Variants in CORO2A observed in about 807,000 individuals in gnomAD.
CORO2A encodes the protein coronin 2A.
A neutral mutation model predicts 62.4 loss-of-function variants in CORO2A; 47 were observed. That is an observed-to-expected ratio of 0.75 (90% confidence interval 0.60 to 0.96). The LOEUF (loss-of-function observed/expected upper bound fraction) is 0.96. Among genes scored for constraint, CORO2A ranks in the 40% least tolerant of loss-of-function variants. The probability of loss-of-function intolerance (pLI) is 0.00; values close to 1 mark genes in which losing one functional copy is unlikely to be tolerated. For synonymous variants in CORO2A, 273 were observed against 268.9 expected, an observed-to-expected ratio of 1.02 and a Z score of -0.15; for missense variants, 610 against 684.1, an observed-to-expected ratio of 0.89 and a Z score of 1.21.
chr9:98,185,899 G>T (rs1828233587), intron 1 of CORO2A, among the ~76,000 whole-genome samples: 1 of 152,246 alleles, frequency 6.6e-6, no homozygotes, highest in African/African-American at 2.4e-5. Context: ...GCTGGCACCA[G>T]AGCCAGAAAT....
At chr9:98,129,626 G>A (rs908796087) in intron 8 of CORO2A, among the ~76,000 whole-genome samples, 168 bp downstream of exon 8, 1 of 152,122 alleles carries the variant, frequency 6.6e-6, no homozygotes, top group Non-Finnish European at 1.5e-5. Context: ...TGTTGCACAC[G>A]TCAAGTACAG....
At chr9:98,169,212 G>A (rs948408643) in intron 1 of CORO2A, among the ~76,000 whole-genome samples, 12 of 146,032 alleles carry the variant, frequency 8.2e-5, no homozygotes, top group African/African-American at 1.9e-4. Flanking sequence ...CCGCCCCCGC[G>A]CCGCCCATCC....
intron 1 of CORO2A, among the ~76,000 whole-genome samples, chr9:98,176,627 G>C (rs1828112073): frequency 6.6e-6 from 1 of 152,094 alleles, no homozygotes; most frequent in East Asian, 1.9e-4. Context: ...GTGTGACTTG[G>C]TTTCCCATGT....
chr9:98,137,608 A>C lies in CORO2A; in HGVS notation c.282T>G (p.Asp94Glu). ...NVLDVKWNPF[D>E]DFEIASCSED... ...CAGAACAGGAGGCGATCTCAAAATC[A>C]TCAAAAGGGTTCCACTTGACATCCA... Residue 94 changes from aspartate (D) to glutamate (E), a missense_variant, in exon 3 of 12, where the codon GAT (aspartate) becomes GAG (glutamate). By Grantham distance (45) the Asp-to-Glu change is conservative. Coordinates refer to ENST00000375077, the MANE Select transcript of CORO2A (RefSeq NM_052820.4). 1 of 1,614,214 alleles carries C rather than the reference A, an allele frequency of 6.2e-7. No homozygotes were observed. Among genetic ancestry groups the C allele is most frequent in the Non-Finnish European group, 8.5e-7 (1 of 1,180,032 alleles).
intron 1 of CORO2A, among the ~76,000 whole-genome samples, chr9:98,190,404 A>T (rs1828292378): frequency 6.6e-6 from 1 of 152,158 alleles, no homozygotes; most frequent in Non-Finnish European, 1.5e-5. Context: ...ATTTTTGCTA[A>T]TTTTACAGGA....
Position 98,128,719 on chromosome 9 carries a change from C to T in CORO2A, c.968G>A (p.Gly323Asp). ...GTCGAGTCCTCTCTTTGGCATGACA[C>T]CTGAAGGCAGACAGGGAGGGCCAAG... ...YRSYNPQKGI[G>D]VMPKRGLDVS... Residue 323 changes from glycine (G) to aspartate (D), a missense_variant and splice_region_variant, in exon 9 of 12, where the codon GGT (glycine) becomes GAT (aspartate). Coordinates refer to ENST00000375077, the MANE Select transcript of CORO2A (RefSeq NM_052820.4). 1 of 1,613,834 alleles carries T rather than the reference C, an allele frequency of 6.2e-7. No homozygotes were observed. Among genetic ancestry groups the T allele is most frequent in the Non-Finnish European group, 8.5e-7 (1 of 1,179,726 alleles).
At chr9:98,144,397 T>A (rs1449939618) in intron 2 of CORO2A, among the ~76,000 whole-genome samples, 1 of 152,014 alleles carries the variant, frequency 6.6e-6, no homozygotes, top group African/African-American at 2.4e-5. Flanking sequence ...AGAGCCAGGA[T>A]TGGGAATGTT....
chr9:98,152,218 T>C (rs1333818459), intron 2 of CORO2A, among the ~76,000 whole-genome samples: 2 of 152,072 alleles, frequency 1.3e-5, no homozygotes, highest in Non-Finnish European at 2.9e-5. Flanking sequence ...TCTACTTGAA[T>C]TGGTATTGAC....
chr9:98,129,746 C>T (rs780800995), intron 8 of CORO2A, 48 bp downstream of exon 8: 1 of 1,454,070 alleles, frequency 6.9e-7, no homozygotes, highest in Non-Finnish European at 9.7e-7. Context: ...ACCTCGGCCT[C>T]CCGAAGTGCT....
At chr9:98,153,530 T>C (rs2118864752) in intron 2 of CORO2A, among the ~76,000 whole-genome samples, 1 of 151,950 alleles carries the variant, frequency 6.6e-6, no homozygotes, top group African/African-American at 2.4e-5. Context: ...CTTCAGCCTC[T>C]CGTATAGCTG....
At chr9:98,140,004 A>G in intron 2 of CORO2A, among the ~76,000 whole-genome samples, 1 of 152,086 alleles carries the variant, frequency 6.6e-6, no homozygotes, top group Admixed American at 6.6e-5. Context: ...GTCATAGAGA[A>G]ACCACACCAG....
At chr9:98,129,637 C>A (rs940200594) in intron 8 of CORO2A, among the ~76,000 whole-genome samples, 157 bp downstream of exon 8, 5 of 152,212 alleles carry the variant, frequency 3.3e-5, no homozygotes, top group African/African-American at 9.7e-5. Context: ...TCAAGTACAG[C>A]CCCCACCAAG....
intron 4 of CORO2A, among the ~76,000 whole-genome samples, chr9:98,134,395 C>G (rs1425170915): frequency 6.7e-6 from 1 of 148,214 alleles, no homozygotes; most frequent in Non-Finnish European, 1.5e-5. Context: ...GAACAGGGTT[C>G]CCCCCAAAAC....
intron 1 of CORO2A, among the ~76,000 whole-genome samples, chr9:98,173,821 G>C (rs143375935): frequency 2.8e-3 from 425 of 152,328 alleles, no homozygotes; most frequent in African/African-American, 9.9e-3. Context: ...GAGCTTAAGA[G>C]CGTGTAGCCT....
intron 1 of CORO2A, among the ~76,000 whole-genome samples, chr9:98,173,906 C>T (rs768144073): frequency 8.5e-5 from 13 of 152,106 alleles, no homozygotes; most frequent in East Asian, 5.8e-4. Context: ...CACCTGAGAT[C>T]GGGAGTTCGA....
At position 98,130,967 on chromosome 9, in the gene CORO2A, G is replaced by A. The variant is rs547443254; in HGVS notation, c.858C>T (p.Tyr286=). 88 of 1,613,608 alleles carry A rather than the reference G, an allele frequency of 5.5e-5. 1 individual carries two copies. In the South Asian group the frequency reaches 8.0e-4, roughly 15 times the overall value. ...PFYDADTSML[Y]VVGKGDGNIR... Reference sequence around the variant, plus strand: ...GTGCCAAGCCGACCTTCCCCACCACGTAGAGCATGCTGGTGTCCGCGTCAT... The same window carrying A: ...GTGCCAAGCCGACCTTCCCCACCACATAGAGCATGCTGGTGTCCGCGTCAT... Residue 286 remains tyrosine (Y), a synonymous_variant, in exon 7 of 12, where the codon TAC becomes TAT. Coordinates refer to ENST00000375077, the MANE Select transcript of CORO2A (RefSeq NM_052820.4).
intron 1 of CORO2A, among the ~76,000 whole-genome samples, chr9:98,190,579 G>T (rs1828294292): frequency 6.6e-6 from 1 of 152,156 alleles, no homozygotes; most frequent in African/African-American, 2.4e-5. Context: ...TCTGTAAAAT[G>T]AGGGGGTTGA....
chr9:98,170,159 G>A (rs781016673), intron 1 of CORO2A, among the ~76,000 whole-genome samples: 1 of 152,152 alleles, frequency 6.6e-6, no homozygotes, highest in Admixed American at 6.5e-5. Flanking sequence ...CCATGGAAGC[G>A]CCCCTCGTCT....
At chr9:98,184,978 C>A (rs553075153) in intron 1 of CORO2A, among the ~76,000 whole-genome samples, 1 of 152,310 alleles carries the variant, frequency 6.6e-6, no homozygotes, top group East Asian at 1.9e-4. Flanking sequence ...TTACAACAAG[C>A]TTATACATTA....
Sources: allele counts gnomAD v4.1 joint callset (sites outside exome capture counted in the v4.1 genomes callset), GRCh38; gene constraint gnomAD v4.1.1; transcripts MANE v1.5; gene names NCBI Gene and HGNC (gene_info 2026-07-23, HGNC 2026-07-21).